SH3RF3: variants seen among roughly 807,000 people sequenced by gnomAD.
The protein encoded by SH3RF3 is E3 ubiquitin-protein ligase SH3RF3.
SH3RF3 carries 29 observed loss-of-function variants against 66.3 expected under a neutral mutation model. That is an observed-to-expected ratio of 0.44 (90% CI 0.33 to 0.60). The LOEUF (loss-of-function observed/expected upper bound fraction) is 0.60, where lower values mean the gene tolerates loss of function less well. SH3RF3 is among the 20% of genes least tolerant of loss of function. The pLI is 0.04. For missense variants in SH3RF3, 1,194 were observed against 1,190.9 expected, an observed-to-expected ratio of 1.00 and a Z score of -0.04; for synonymous variants, 583 against 532.0, an observed-to-expected ratio of 1.10 and a Z score of -1.32.
At chr2:109,424,413 G>A (rs1676975711) in intron 5 of SH3RF3, among the ~76,000 whole-genome samples, 1 of 152,226 alleles carries the variant, frequency 6.6e-6, no homozygotes, top group Admixed American at 6.5e-5. Context: ...GCCTCAGAAT[G>A]CAGCAGAAAC....
intron 1 of SH3RF3, among the ~76,000 whole-genome samples, chr2:109,315,412 A>G (rs1268391950): frequency 1.3e-5 from 2 of 152,226 alleles, no homozygotes; most frequent in Admixed American, 6.5e-5. Flanking sequence ...CTCTGTCCCT[A>G]TCTCTGTAGG....
At chr2:109,434,609 G>A (rs1318428121) in intron 6 of SH3RF3, among the ~76,000 whole-genome samples, 1 of 152,174 alleles carries the variant, frequency 6.6e-6, no homozygotes, top group Non-Finnish European at 1.5e-5. Flanking sequence ...TCCTTCAAGA[G>A]CTGGGTCCTA....
chr2:109,429,648 G>T (rs756999762), intron 5 of SH3RF3, among the ~76,000 whole-genome samples: 4 of 152,034 alleles, frequency 2.6e-5, no homozygotes, highest in Non-Finnish European at 5.9e-5. Context: ...CCCCAGCTGT[G>T]CCCCAGGCCG....
At chr2:109,448,127 C>A (rs1043886581) in intron 7 of SH3RF3, among the ~76,000 whole-genome samples, 1 of 152,170 alleles carries the variant, frequency 6.6e-6, no homozygotes, top group Non-Finnish European at 1.5e-5. Flanking sequence ...CAGGCCAGTT[C>A]GGGATCAAGA....
chr2:109,287,468 A>G (rs569208371), intron 1 of SH3RF3, among the ~76,000 whole-genome samples: 1 of 152,310 alleles, frequency 6.6e-6, no homozygotes, highest in South Asian at 2.1e-4. Flanking sequence ...TGAGATACCT[A>G]AGAGAGATAC....
intron 1 of SH3RF3, among the ~76,000 whole-genome samples, chr2:109,146,051 G>C (rs570421934): frequency 6.3e-5 from 8 of 126,752 alleles, no homozygotes; most frequent in East Asian, 4.0e-4. Context: ...TGCGGGCCGA[G>C]GGAGTCCATG....
Position 109,285,773 on chromosome 2 carries a change from G to T in SH3RF3, c.574-61901G>T, listed in dbSNP as rs184314269. ...CTTGTGGAACCTGGATCCAGACCTG[G>T]CAGGGTGTGAGTCTGTGTGTTAGAG... On this transcript the variant is annotated intron_variant, in intron 1 of 9. Transcript: ENST00000309415. Among the ~76,000 whole-genome samples, 154 of 152,336 alleles carry T rather than the reference G, an allele frequency of 1.0e-3. 2 individuals are homozygous for T. The highest frequency in any genetic ancestry group is 3.6e-3 in the African/African-American group (151 of 41,576).
chr2:109,498,684 G>A (rs1679313725), intron 9 of SH3RF3, among the ~76,000 whole-genome samples: 1 of 152,194 alleles, frequency 6.6e-6, no homozygotes, highest in African/African-American at 2.4e-5. Context: ...GATGGGCCCA[G>A]GGAACTGTGG....
rs945059845 is a variant in SH3RF3 at position 109,490,797 on chromosome 2, G to C, written c.2341G>C (p.Glu781Gln). ...GRAGSCPIES[E>Q]MQGAMGMEPL... ...GGCAGGGTCCTGCCCCATAGAGAGCGAGATGCAGGGTGCCATGGGGATGGA... is the reference window on the plus strand; with the variant it reads ...GGCAGGGTCCTGCCCCATAGAGAGCCAGATGCAGGGTGCCATGGGGATGGA... Residue 781 changes from glutamate to glutamine, a missense_variant, in exon 9 of 10, where the codon GAG (glutamate) becomes CAG (glutamine). Transcript: ENST00000309415. The C allele has an allele frequency of 2.0e-6, 3 of 1,536,898 alleles. No homozygotes were observed. The Admixed American group carries it at 5.9e-5, about 30-fold the overall frequency.
chr2:109,432,572 G>T lies in SH3RF3; in HGVS notation c.1475G>T (p.Arg492Leu). The T allele has an allele frequency of 3.7e-6, 6 of 1,613,578 alleles. No individual in the cohort carries two copies. The highest frequency in any genetic ancestry group is 5.1e-6 in the Non-Finnish European group (6 of 1,179,752). Residue 492 changes from arginine to leucine, a missense_variant, in exon 6 of 10, where the codon CGG (arginine) becomes CTG (leucine). Arg to Leu is a moderately radical substitution (Grantham distance 102). Transcript: ENST00000309415. ...GAGCTGCACAAGGGAGAGATGTACCGGGTCCTCGAGAAGTGTCAGGATGGC... is the reference window on the plus strand; with the variant it reads ...GAGCTGCACAAGGGAGAGATGTACCTGGTCCTCGAGAAGTGTCAGGATGGC... Reference protein sequence around the residue: ...ELELHKGEMYRVLEKCQDGWF... With the variant: ...ELELHKGEMYLVLEKCQDGWF...
At chr2:109,317,621 G>T (rs1681919132) in intron 1 of SH3RF3, among the ~76,000 whole-genome samples, 1 of 152,172 alleles carries the variant, frequency 6.6e-6, no homozygotes, top group Non-Finnish European at 1.5e-5. Context: ...TCTGTGACTT[G>T]CTGGGCCTGG....
At chr2:109,164,521 G>T (rs1170068384) in intron 1 of SH3RF3, among the ~76,000 whole-genome samples, 2 of 152,160 alleles carry the variant, frequency 1.3e-5, no homozygotes, top group Non-Finnish European at 2.9e-5. Flanking sequence ...CTTCGGCCAA[G>T]CCTGGCTGTT....
intron 3 of SH3RF3, among the ~76,000 whole-genome samples, chr2:109,397,034 C>T (rs1676166918): frequency 6.6e-6 from 1 of 152,214 alleles, no homozygotes; most frequent in South Asian, 2.1e-4. Flanking sequence ...TTCGGAAAGC[C>T]CTTTGGCCAC....
intron 7 of SH3RF3, among the ~76,000 whole-genome samples, chr2:109,441,972 A>G (rs1276002044): frequency 6.6e-6 from 1 of 151,392 alleles, no homozygotes; most frequent in Non-Finnish European, 1.5e-5. Flanking sequence ...AGCAAAATAA[A>G]GAATTATTCA....
chr2:109,151,653 A>G (rs979964231), intron 1 of SH3RF3, among the ~76,000 whole-genome samples: 8 of 152,234 alleles, frequency 5.3e-5, no homozygotes, highest in Non-Finnish European at 2.9e-5. Flanking sequence ...CCTGCAGTAC[A>G]TCTGAGGTCA....
chr2:109,280,831 C>T (rs919818726), intron 1 of SH3RF3, among the ~76,000 whole-genome samples: 6 of 152,276 alleles, frequency 3.9e-5, no homozygotes, highest in Non-Finnish European at 8.8e-5. Flanking sequence ...TAACAGTGGT[C>T]GGCTGTTTTA....
At chr2:109,424,270 GC>G (rs199909248) in intron 5 of SH3RF3, among the ~76,000 whole-genome samples, 1,599 of 152,298 alleles carry the variant, frequency 0.01, 22 homozygotes, top group African/African-American at 0.026. Context: ...CTTTGAAGGG[GC>G]AGTCATGGGT....
chr2:109,435,790 G>A (rs563266426), intron 6 of SH3RF3, among the ~76,000 whole-genome samples: 1 of 152,132 alleles, frequency 6.6e-6, no homozygotes, highest in Non-Finnish European at 1.5e-5. Context: ...TGATTTCCTC[G>A]GGGAAAAGTG....
At chr2:109,250,094 T>G (rs1184987145) in intron 1 of SH3RF3, among the ~76,000 whole-genome samples, 1 of 151,682 alleles carries the variant, frequency 6.6e-6, no homozygotes, top group Non-Finnish European at 1.5e-5. Context: ...GTGTTCCTTT[T>G]TTTTTTTTTT....
Sources: allele counts gnomAD v4.1 joint callset (sites outside exome capture counted in the v4.1 genomes callset), GRCh38; gene constraint gnomAD v4.1.1; transcripts MANE v1.5; gene names NCBI Gene and HGNC (gene_info 2026-07-23, HGNC 2026-07-21).